Variants in SLC17A2 observed in about 807,000 individuals in gnomAD.
SLC17A2 encodes solute carrier family 17 member 2.
A neutral mutation model predicts 52.1 loss-of-function variants in SLC17A2; 38 were observed. The observed-to-expected ratio is 0.73, with a 90% CI of 0.56 to 0.96. The LOEUF is 0.96. SLC17A2 is among the 40% of genes least tolerant of loss of function. The pLI is 0.00. For synonymous variants in SLC17A2, 226 were observed against 211.9 expected (o/e 1.07, Z -0.58); for missense variants, 508 against 583.9 (o/e 0.87, Z 1.34).
chr6:25,915,177 A>ATATATATATG lies in SLC17A2; in HGVS notation c.1211+321_1211+322insCATATATATA, dbSNP rs1554137783. Among the ~76,000 whole-genome samples, 203 of 108,078 alleles carry ATATATATATG rather than the reference A, an allele frequency of 1.9e-3. 17 individuals are homozygous for ATATATATATG. The highest frequency in any genetic ancestry group is 2.7e-3 in the Admixed American group (29 of 10,618). 70.9% of individuals were successfully genotyped at this position (108,078 alleles called of 152,430 possible). On this transcript the variant is annotated intron_variant, in intron 10 of 11. Transcript: ENST00000377850. Reference sequence around the variant, plus strand: ...TATATATATATATATATATATATATATGGTAGCTAATATGAACAACACCAT... The same window carrying ATATATATATG: ...TATATATATATATATATATATATATATATATATATGTGGTAGCTAATATGAACAACACCAT...
chr6:25,916,960 G>T lies in SLC17A2; in HGVS notation c.768+9C>A, dbSNP rs1257347422. 28 of 1,600,036 alleles carry T rather than the reference G, an allele frequency of 1.7e-5. No individual in the cohort carries two copies. The highest frequency in any genetic ancestry group is 2.3e-5 in the Non-Finnish European group (27 of 1,167,140). ...TGCATGGGCCACAGGTACAAGGTGT[G>T]CACTGTACCTGTTGAGCCAGTGAGG... On this transcript the variant is annotated intron_variant, in intron 7 of 11. Transcript: ENST00000377850.
chr6:25,917,306 T>C (rs1766364573), intron 6 of SLC17A2, among the ~76,000 whole-genome samples: 1 of 152,252 alleles, frequency 6.6e-6, no homozygotes, highest in Non-Finnish European at 1.5e-5. Context: ...CATTTGTCAA[T>C]GTCAGAGCCC....
intron 6 of SLC17A2, 136 bp from the exon 7 acceptor site, chr6:25,917,223 C>A: frequency 1.5e-6 from 1 of 674,012 alleles, no homozygotes; most frequent in Non-Finnish European, 2.6e-6. Flanking sequence ...CCTAAATGTT[C>A]CCATTCTTTC....
intron 8 of SLC17A2, 63 bp from the exon 9 acceptor site, chr6:25,915,931 T>A (rs1581558249): frequency 6.6e-7 from 1 of 1,522,360 alleles, no homozygotes; most frequent in East Asian, 2.3e-5. Context: ...ATTTGTCAGT[T>A]ACACAGACCA....
chr6:25,913,198 G>T lies in SLC17A2; in HGVS notation c.*119C>A. On this transcript the variant is annotated 3_prime_UTR_variant, in exon 12 of 12. Coordinates refer to ENST00000377850, the MANE Select transcript of SLC17A2 (RefSeq NM_001286123.3). ...TGTCTTATAAAGGCTCCCCAGGGAA[G>T]ACTAACACACAGCCAGAGTTAAGAA... is the stretch of plus-strand genomic sequence containing the variant. 2.8e-6 allele frequency: 3 copies of T among 1,077,198 alleles called. No individual in the cohort carries two copies. Among genetic ancestry groups the T allele is most frequent in the Non-Finnish European group, 4.2e-6 (3 of 709,932 alleles). The allele number at this position is 1,077,198 out of a possible 1,614,324, so 66.7% of individuals were successfully genotyped here.
chr6:25,919,752 T>C (rs185688660), intron 5 of SLC17A2, among the ~76,000 whole-genome samples: 72 of 131,302 alleles, frequency 5.5e-4, no homozygotes, highest in African/African-American at 1.8e-3. Context: ...TTACATAAGC[T>C]ATGCAATAGG....
chr6:25,929,688 G>A (rs1459499634), intron 1 of SLC17A2, among the ~76,000 whole-genome samples: 2 of 152,070 alleles, frequency 1.3e-5, no homozygotes, highest in East Asian at 3.9e-4. Flanking sequence ...AATGTCCCTG[G>A]GTGCCTTTTC....
rs766352177 is a variant in SLC17A2 at position 25,919,699 on chromosome 6, C to CAAAAAAAAAA, written c.563-1136_563-1127dup. 1.7e-3 allele frequency among the ~76,000 whole-genome samples: 52 copies of CAAAAAAAAAA among 31,152 alleles called. 8 individuals carry two copies. Among genetic ancestry groups the CAAAAAAAAAA allele is most frequent in the Non-Finnish European group, 2.6e-3 (42 of 16,098 alleles). 20.4% of individuals were successfully genotyped at this position (31,152 alleles called of 152,430 possible). ...TGGGCGAAAGAGTGAGACACCGTCT[C>CAAAAAAAAAA]AAAAAAAAAAAAAAAAAAAAAAAAA... On this transcript the variant is annotated intron_variant, in intron 5 of 11. Coordinates refer to ENST00000377850, the MANE Select transcript of SLC17A2 (RefSeq NM_001286123.3).
chr6:25,928,522 C>G (rs111494124), intron 1 of SLC17A2, among the ~76,000 whole-genome samples: 1 of 152,092 alleles, frequency 6.6e-6, no homozygotes, highest in Non-Finnish European at 1.5e-5. Context: ...ATGAAAAGCC[C>G]TACTTAAGTT....
chr6:25,925,889 G>T lies in SLC17A2; in HGVS notation c.-83-10C>A. ...TACGACAGTCTTTTATCTATGGAGA[G>T]AACATAATCCAAAACATAATACACA... is the stretch of plus-strand genomic sequence containing the variant. On this transcript the variant is annotated splice_polypyrimidine_tract_variant and intron_variant, in intron 1 of 11. Coordinates refer to ENST00000377850, the MANE Select transcript of SLC17A2 (RefSeq NM_001286123.3). 1.6e-6 allele frequency: 2 copies of T among 1,250,676 alleles called. No homozygotes were observed. The highest frequency in any genetic ancestry group is 1.5e-5 in the African/African-American group (1 of 67,820). The allele number at this position is 1,250,676 out of a possible 1,614,324, so 77.5% of individuals were successfully genotyped here.
chr6:25,918,711 C>A, intron 5 of SLC17A2, 138 bp from the exon 6 acceptor site: 1 of 605,216 alleles, frequency 1.7e-6, no homozygotes, highest in South Asian at 2.1e-5. Flanking sequence ...TAAAATAGCT[C>A]ACAGATTTTC....
chr6:25,923,938 A>C (rs763814132), intron 2 of SLC17A2, 32 bp from the exon 3 acceptor site: 3 of 1,541,088 alleles, frequency 1.9e-6, no homozygotes, highest in Non-Finnish European at 2.7e-6. Context: ...TGTAGTGAGC[A>C]TCCTGACTGA....
intron 6 of SLC17A2, 80 bp from the exon 7 acceptor site, chr6:25,917,167 C>T: frequency 3.3e-6 from 3 of 910,580 alleles, no homozygotes; most frequent in Non-Finnish European, 5.5e-6. Flanking sequence ...TGGCATGCCT[C>T]TCCCTTCTAC....
At chr6:25,923,945 C>A (rs750979236) in intron 2 of SLC17A2, 39 bp from the exon 3 acceptor site, 2 of 1,492,128 alleles carry the variant, frequency 1.3e-6, no homozygotes, top group Non-Finnish European at 1.9e-6. Flanking sequence ...AGCATCCTGA[C>A]TGAGACCCCT....
chr6:25,914,736 A>AGC, intron 10 of SLC17A2, 66 bp from the exon 11 acceptor site: 1 of 980,040 alleles, frequency 1.0e-6, no homozygotes, highest in African/African-American at 1.6e-5. Context: ...GCAGCAACTC[A>AGC]ACTTTAATGC....
At position 25,921,357 on chromosome 6, in the gene SLC17A2, T is replaced by C. The variant is rs760399894; in HGVS notation, c.296A>G (p.Asn99Ser). 6.2e-7 allele frequency: 1 copy of C among 1,614,060 alleles called. No individual in the cohort carries two copies. The change falls in exon 4 of 12, where the codon AAC becomes AGC. Residue 99 changes from asparagine to serine, a missense_variant. Asn to Ser is a conservative substitution (Grantham distance 46). Coordinates refer to ENST00000377850, the MANE Select transcript of SLC17A2 (RefSeq NM_001286123.3). ...ETQGIIFSSI[N>S]YGIILTLIPS... ...GATCAGAGTCAGTATTATCCCATAG[T>C]TGATGGAGCTAAAGATGATACCCTG...
At chr6:25,918,101 T>C (rs1766397318) in intron 6 of SLC17A2, among the ~76,000 whole-genome samples, 1 of 152,190 alleles carries the variant, frequency 6.6e-6, no homozygotes, top group Non-Finnish European at 1.5e-5. Context: ...ACAGAAATAA[T>C]AATTATAATG....
intron 8 of SLC17A2, among the ~76,000 whole-genome samples, 165 bp downstream of exon 8, chr6:25,916,520 C>T (rs1414468776): frequency 3.3e-5 from 5 of 152,190 alleles, no homozygotes; most frequent in African/African-American, 1.2e-4. Flanking sequence ...TCTAAGTGTC[C>T]TGTTTCCACA....
At chr6:25,919,415 T>C (rs546285461) in intron 5 of SLC17A2, among the ~76,000 whole-genome samples, 1 of 152,036 alleles carries the variant, frequency 6.6e-6, no homozygotes, top group African/African-American at 2.4e-5. Flanking sequence ...TTATAAGATT[T>C]AGGAAGTTTT....
Sources: gnomAD v4.1 joint callset for allele counts (sites outside exome capture counted in the v4.1 genomes callset) on GRCh38, gnomAD v4.1.1 for gene constraint, MANE v1.5 for transcripts, NCBI Gene and HGNC (gene_info 2026-07-23, HGNC 2026-07-21) for gene names.